MSRA: variants seen among roughly 807,000 people sequenced by gnomAD.
MSRA encodes the protein mitochondrial peptide methionine sulfoxide reductase.
A neutral mutation model predicts 31.3 loss-of-function variants in MSRA; 54 were observed. The ratio of observed to expected loss-of-function variants is 1.73; its 90% CI spans 1.39 to 2.17. The LOEUF is 2.17. Among genes scored for constraint, MSRA ranks in the 30% most tolerant of loss-of-function variants. The probability of loss-of-function intolerance (pLI) is 0.00; values close to 1 mark genes in which losing one functional copy is unlikely to be tolerated. For synonymous variants in MSRA, 169 were observed against 116.5 expected, an observed-to-expected ratio of 1.45 and a Z score of -2.90; for missense variants, 507 against 300.9, an observed-to-expected ratio of 1.69 and a Z score of -5.07.
intron 2 of MSRA, among the ~76,000 whole-genome samples, chr8:10,222,599 G>C (rs1007981935): frequency 2.0e-5 from 3 of 152,162 alleles, no homozygotes; most frequent in Non-Finnish European, 2.9e-5. Context: ...ATGTCCATCA[G>C]TGGATGCATG....
intron 3 of MSRA, among the ~76,000 whole-genome samples, chr8:10,255,218 C>G (rs1417753060): frequency 2.6e-5 from 4 of 152,152 alleles, no homozygotes; most frequent in African/African-American, 7.2e-5. Flanking sequence ...TTCCACACCT[C>G]GCTCATCACT....
In MSRA at chr8:10,228,834, C is replaced by G. The variant is rs533561068; in HGVS notation, c.212-16270C>G. 1.2e-4 allele frequency among the ~76,000 whole-genome samples: 18 copies of G among 152,284 alleles called. No homozygotes were observed. In the South Asian group the frequency reaches 3.7e-3, roughly 32 times the overall value. ...CATATACAGATATCAGTGTGTGGCT[C>G]ACAGCAGGCATTTGGTGGATACAAA... On this transcript the variant is annotated intron_variant, in intron 2 of 5. Coordinates refer to ENST00000317173, the MANE Select transcript of MSRA (RefSeq NM_012331.5).
chr8:10,383,038 G>C (rs1258060456), intron 5 of MSRA, among the ~76,000 whole-genome samples: 2 of 152,240 alleles, frequency 1.3e-5, no homozygotes, highest in Non-Finnish European at 2.9e-5. Flanking sequence ...CTTCCCTAAA[G>C]ATCGGAAACA....
At chr8:10,361,595 C>A (rs1294367342) in intron 5 of MSRA, among the ~76,000 whole-genome samples, 1 of 152,126 alleles carries the variant, frequency 6.6e-6, no homozygotes. Flanking sequence ...AAACACAAGC[C>A]ATTACTGGGA....
intron 5 of MSRA, among the ~76,000 whole-genome samples, chr8:10,388,906 C>T (rs938216448): frequency 1.3e-5 from 2 of 151,844 alleles, no homozygotes; most frequent in African/African-American, 2.4e-5. Flanking sequence ...CTAAAGATGT[C>T]CCCTGGTCAT....
At chr8:10,237,717 G>C (rs570800829) in intron 2 of MSRA, among the ~76,000 whole-genome samples, 1 of 152,100 alleles carries the variant, frequency 6.6e-6, no homozygotes, top group East Asian at 1.9e-4. Context: ...AGTAATCTTC[G>C]AGTCAGCCAT....
chr8:10,344,086 C>G (rs901478444), intron 5 of MSRA, among the ~76,000 whole-genome samples: 1 of 152,224 alleles, frequency 6.6e-6, no homozygotes, highest in Non-Finnish European at 1.5e-5. Flanking sequence ...AGCCACAGGA[C>G]TGGAGCTTCT....
intron 5 of MSRA, among the ~76,000 whole-genome samples, chr8:10,375,613 C>G (rs1805714766): frequency 6.6e-6 from 1 of 152,132 alleles, no homozygotes; most frequent in East Asian, 1.9e-4. Flanking sequence ...TAAGCAGCAG[C>G]AAGTTCCTGG....
At chr8:10,167,901 C>G (rs745930175) in intron 1 of MSRA, among the ~76,000 whole-genome samples, 4 of 152,130 alleles carry the variant, frequency 2.6e-5, no homozygotes, top group Non-Finnish European at 4.4e-5. Context: ...GGCCCTATAC[C>G]CTGATGTTAT....
At chr8:10,055,023 C>G (rs767511086) in intron 1 of MSRA, among the ~76,000 whole-genome samples, 9 of 152,228 alleles carry the variant, frequency 5.9e-5, no homozygotes, top group Non-Finnish European at 1.3e-4. Flanking sequence ...TGCCTGCGCC[C>G]TCCTTTCTTG....
At chr8:10,163,839 A>C (rs1031649641) in intron 1 of MSRA, among the ~76,000 whole-genome samples, 1 of 152,254 alleles carries the variant, frequency 6.6e-6, no homozygotes, top group African/African-American at 2.4e-5. Flanking sequence ...AGACGAGGGC[A>C]CAGACCAGTG....
At chr8:10,415,394 C>T (rs749423160) in intron 5 of MSRA, among the ~76,000 whole-genome samples, 24 of 152,174 alleles carry the variant, frequency 1.6e-4, no homozygotes, top group Non-Finnish European at 3.2e-4. Context: ...GACCTTGCTG[C>T]ATGCAAGCAG....
intron 1 of MSRA, among the ~76,000 whole-genome samples, chr8:10,076,064 G>A (rs117842201): frequency 3.3e-5 from 5 of 149,686 alleles, no homozygotes; most frequent in African/African-American, 1.2e-4. Flanking sequence ...TCTGGACTGC[G>A]AGTCAGAGCT....
intron 5 of MSRA, among the ~76,000 whole-genome samples, chr8:10,367,665 A>T (rs1383959509): frequency 3.3e-5 from 5 of 152,252 alleles, no homozygotes; most frequent in Admixed American, 2.6e-4. Flanking sequence ...ACTGCGAGTG[A>T]GTAGCAGAGG....
At chr8:10,276,698 C>T (rs531099562) in intron 3 of MSRA, among the ~76,000 whole-genome samples, 1 of 152,324 alleles carries the variant, frequency 6.6e-6, no homozygotes, top group African/African-American at 2.4e-5. Context: ...TAAGAGAAGT[C>T]TTTAATGTTT....
At chr8:10,146,124 T>C (rs917390171) in intron 1 of MSRA, among the ~76,000 whole-genome samples, 2 of 152,192 alleles carry the variant, frequency 1.3e-5, no homozygotes, top group East Asian at 1.9e-4. Context: ...GTGTGTGGTT[T>C]GGACCAGAAC....
chr8:10,339,787 C>T (rs1351305176), intron 5 of MSRA, among the ~76,000 whole-genome samples: 4 of 151,174 alleles, frequency 2.6e-5, no homozygotes, highest in Admixed American at 6.6e-5. Context: ...GTGATCCCCC[C>T]GCCTCGGCCT....
chr8:10,156,474 G>A (rs1359805387), intron 1 of MSRA, among the ~76,000 whole-genome samples: 1 of 152,030 alleles, frequency 6.6e-6, no homozygotes, highest in African/African-American at 2.4e-5. Flanking sequence ...GATTTGAGAA[G>A]ATATTAATTC....
In MSRA at chr8:10,366,315, C is replaced by G. The variant is rs546202258; in HGVS notation, c.543+46326C>G. ...CTGAATTTATACCAAAGACACCTGC[C>G]TACAGTTTGAAACTCTGTGCCACAG... On this transcript the variant is annotated intron_variant, in intron 5 of 5. Coordinates refer to ENST00000317173, the MANE Select transcript of MSRA (RefSeq NM_012331.5). Among the ~76,000 whole-genome samples the G allele has an allele frequency of 2.0e-5, 3 of 152,382 alleles. No homozygotes were observed. In the South Asian group the frequency reaches 6.2e-4, roughly 32 times the overall value.
Sources: gnomAD v4.1 joint callset for allele counts (sites outside exome capture counted in the v4.1 genomes callset) on GRCh38, gnomAD v4.1.1 for gene constraint, MANE v1.5 for transcripts, NCBI Gene and HGNC (gene_info 2026-07-23, HGNC 2026-07-21) for gene names.